The following XIAP variants were observed in gnomAD, a reference collection of about 807,000 sequenced individuals.
XIAP encodes the protein X-linked inhibitor of apoptosis.
In XIAP, 3 loss-of-function variants were observed where a neutral mutation model predicts 33.1. The observed-to-expected ratio is 0.09, with a 90% CI of 0.04 to 0.23. XIAP has a LOEUF of 0.23. XIAP is among the 10% of genes least tolerant of loss of function. The probability of loss-of-function intolerance (pLI) is 1.00; values close to 1 mark genes in which losing one functional copy is unlikely to be tolerated. For synonymous variants in XIAP, 98 were observed against 121.3 expected (o/e 0.81, Z 1.26); for missense variants, 264 against 363.0 (o/e 0.73, Z 2.22).
At chrX:123,878,753 C>A (rs28382713) in intron 1 of XIAP, 1 of 112,242 alleles carries the variant, frequency 8.9e-6, no homozygotes, top group Non-Finnish European at 1.9e-5. Flanking sequence ...CGATTCCAGG[C>A]TTTTGATGGT....
At chrX:123,903,531 G>T (rs748868593) in intron 6 of XIAP, among the ~76,000 whole-genome samples, 1 of 108,723 alleles carries the variant, frequency 9.2e-6, no homozygotes, top group African/African-American at 3.4e-5. Context: ...CTGAAGTACA[G>T]ATGGGCTGTT....
rs2053343968 is a variant in XIAP at position 123,885,596 on chromosome X, A to C, written c.-32-35A>C. ...CAAAAGTCTGTTGCTTGTGTTTCAC[A>C]TTTTGGATTTCCTAATATAATGTTC... On this transcript the variant is annotated intron_variant, in intron 1 of 6. Transcript: ENST00000371199. The C allele has an allele frequency of 4.4e-6, 5 of 1,135,567 alleles. No individual in the cohort carries two copies. The African/African-American group carries it at 7.2e-5, about 16-fold the overall frequency. 93.6% of individuals were successfully genotyped at this position (1,135,567 alleles called of 1,213,427 possible). A position where few individuals can be genotyped will look rare whatever the true frequency, so the allele number is the denominator to read the frequency against.
At chrX:123,899,446 A>T (rs2053497426) in intron 5 of XIAP, among the ~76,000 whole-genome samples, 1 of 106,511 alleles carries the variant, frequency 9.4e-6, no homozygotes. Flanking sequence ...AAATATATAT[A>T]TTTATCTGTG....
At chrX:123,891,843 AAG>A (rs1448123153) in intron 4 of XIAP, among the ~76,000 whole-genome samples, 2 of 107,872 alleles carry the variant, frequency 1.9e-5, no homozygotes, top group African/African-American at 3.4e-5. Flanking sequence ...AAAAAAAAAA[AAG>A]AGAGAGCCTA....
In XIAP at chrX:123,913,145, C is replaced by G. The variant is rs1327725934; in HGVS notation, c.*5964C>G. The G allele has an allele frequency of 1.2e-5, 4 of 326,593 alleles. No homozygotes were observed. The East Asian group carries it at 3.9e-4, about 32-fold the overall frequency. 26.9% of individuals were successfully genotyped at this position (326,593 alleles called of 1,213,427 possible). On this transcript the variant is annotated 3_prime_UTR_variant, in exon 7 of 7. Transcript: ENST00000371199. ...CCTAGGGGGTCGTGAAACCAAAACCCCAGGGATAGCAAGGGACAATTGTAT... is the reference window on the plus strand; with the variant it reads ...CCTAGGGGGTCGTGAAACCAAAACCGCAGGGATAGCAAGGGACAATTGTAT...
intron 1 of XIAP, among the ~76,000 whole-genome samples, chrX:123,860,831 G>T (rs961712439): frequency 9.0e-6 from 1 of 111,445 alleles, no homozygotes; most frequent in Non-Finnish European, 1.9e-5. Flanking sequence ...TTCGGGGAGG[G>T]GAGTGTTTAT....
intron 1 of XIAP, chrX:123,874,646 A>G (rs2053225162): frequency 9.2e-6 from 1 of 108,895 alleles, no homozygotes; most frequent in Non-Finnish European, 1.9e-5. Context: ...AGTAAATAGC[A>G]CTTTATGGAA....
intron 1 of XIAP, among the ~76,000 whole-genome samples, chrX:123,876,075 G>A (rs1055030885): frequency 6.3e-5 from 7 of 111,450 alleles, no homozygotes; most frequent in Non-Finnish European, 1.3e-4. Flanking sequence ...GTGCAGTGAC[G>A]CAGTCACAGC....
intron 6 of XIAP, among the ~76,000 whole-genome samples, chrX:123,903,784 C>T (rs1206019572): frequency 2.8e-5 from 3 of 107,924 alleles, no homozygotes; most frequent in Non-Finnish European, 5.7e-5. Context: ...CTTGCAAAAC[C>T]GAAACTCTAC....
intron 1 of XIAP, among the ~76,000 whole-genome samples, chrX:123,869,904 A>G (rs1344514600): frequency 8.8e-6 from 1 of 113,015 alleles, no homozygotes; most frequent in African/African-American, 3.2e-5. Flanking sequence ...AAGATGAGCT[A>G]TAGAATCACA....
chrX:123,870,941 C>CGTGT (rs1171082441), intron 1 of XIAP, among the ~76,000 whole-genome samples: 1 of 109,458 alleles, frequency 9.1e-6, no homozygotes, highest in Non-Finnish European at 1.9e-5. Flanking sequence ...TTTGTGTGTG[C>CGTGT]GTGTGTGTGT....
intron 3 of XIAP, 54 bp downstream of exon 3, chrX:123,888,772 G>A (rs918155662): frequency 5.2e-5 from 54 of 1,044,208 alleles, no homozygotes; most frequent in Non-Finnish European, 7.1e-5. Flanking sequence ...TGCAGTGGGA[G>A]ACTTGAATTA....
intron 5 of XIAP, among the ~76,000 whole-genome samples, chrX:123,899,075 G>A (rs186274084): frequency 8.9e-5 from 7 of 78,439 alleles, no homozygotes; most frequent in African/African-American, 3.5e-4. Context: ...GAGCCGAGAC[G>A]CGCCATTACA....
intron 5 of XIAP, among the ~76,000 whole-genome samples, chrX:123,898,405 G>A (rs1209713759): frequency 9.0e-6 from 1 of 110,926 alleles, no homozygotes; most frequent in Non-Finnish European, 1.9e-5. Flanking sequence ...CTCCGTCACC[G>A]AGGCTGGAGT....
intron 6 of XIAP, among the ~76,000 whole-genome samples, chrX:123,903,760 C>T (rs1401544251): frequency 9.3e-6 from 1 of 107,432 alleles, no homozygotes; most frequent in Non-Finnish European, 1.9e-5. Flanking sequence ...CAGTCAACCT[C>T]CAGAACTCTT....
intron 1 of XIAP, among the ~76,000 whole-genome samples, chrX:123,883,091 GGCCTTTTTTGA>G (rs2053318537): frequency 9.7e-6 from 1 of 103,424 alleles, no homozygotes; most frequent in African/African-American, 3.6e-5. Context: ...CATCACGCCC[GGCCTTTTTTGA>G]GATGGAGCCT....
chrX:123,891,296 C>G lies in XIAP; in HGVS notation c.1036C>G (p.His346Asp). ...ATATATAAACAATATTCATTTAACT[C>G]ATTCACTTGAGGAGTGTCTGGTAAG... ...QEYINNIHLT[H>D]SLEECLVRTT... The change falls in exon 4 of 7, where the codon CAT becomes GAT. Residue 346 changes from histidine (H) to aspartate (D), a missense_variant. Transcript: ENST00000371199. 9.1e-7 allele frequency: 1 copy of G among 1,095,572 alleles called. No homozygotes were observed. Among genetic ancestry groups the G allele is most frequent in the African/African-American group, 1.8e-5 (1 of 55,578 alleles). 90.3% of individuals were successfully genotyped at this position (1,095,572 alleles called of 1,213,427 possible). A position where few individuals can be genotyped will look rare whatever the true frequency, so the allele number is the denominator to read the frequency against.
intron 1 of XIAP, among the ~76,000 whole-genome samples, chrX:123,863,697 G>A (rs1266454999): frequency 9.0e-6 from 1 of 110,839 alleles, no homozygotes; most frequent in Non-Finnish European, 1.9e-5. Context: ...CAGTGGAGAC[G>A]GGGTTTCTCC....
intron 1 of XIAP, among the ~76,000 whole-genome samples, chrX:123,879,672 C>A (rs746902873): frequency 3.6e-5 from 4 of 111,094 alleles, no homozygotes; most frequent in African/African-American, 1.3e-4. Context: ...AAAAGATCAC[C>A]TATAATCCCG....
Sources: allele counts gnomAD v4.1 joint callset (sites outside exome capture counted in the v4.1 genomes callset), GRCh38; gene constraint gnomAD v4.1.1; transcripts MANE v1.5; gene names NCBI Gene and HGNC (gene_info 2026-07-23, HGNC 2026-07-21).